The following HSD17B6 variants were observed in gnomAD, a reference collection of about 807,000 sequenced individuals.
The protein encoded by HSD17B6 is 17-beta-hydroxysteroid dehydrogenase type 6.
Under a neutral mutation model 26.4 loss-of-function variants are expected in HSD17B6, and 16 were observed. The ratio of observed to expected loss-of-function variants is 0.61; its 90% CI spans 0.41 to 0.92. The LOEUF is 0.92. Ranked by LOEUF, HSD17B6 falls within the 40% of genes least tolerant of loss-of-function variation. The probability of loss-of-function intolerance (pLI) is 0.00; values close to 1 mark genes in which losing one functional copy is unlikely to be tolerated. For missense variants in HSD17B6, 357 were observed against 386.1 expected (o/e 0.92, Z 0.63); for synonymous variants, 139 against 153.0 (o/e 0.91, Z 0.68).
intron 1 of HSD17B6, among the ~76,000 whole-genome samples, chr12:56,765,167 T>G (rs1197341998): frequency 6.6e-6 from 1 of 151,932 alleles, no homozygotes; most frequent in Admixed American, 6.6e-5. Context: ...CTGGGTGCGG[T>G]GGCTCACGCC....
chr12:56,782,826 A>G (rs967359921), intron 3 of HSD17B6, among the ~76,000 whole-genome samples: 2 of 152,056 alleles, frequency 1.3e-5, no homozygotes, highest in Non-Finnish European at 2.9e-5. Flanking sequence ...ACTTGAGATT[A>G]GGGAGTGGTG....
intron 1 of HSD17B6, among the ~76,000 whole-genome samples, chr12:56,768,570 T>TA (rs1460293131): frequency 6.6e-6 from 1 of 151,868 alleles, no homozygotes; most frequent in Non-Finnish European, 1.5e-5. Flanking sequence ...GGGTAGGAAT[T>TA]AGAGTGTCCA....
intron 1 of HSD17B6, 23 bp downstream of exon 1, chr12:56,763,437 TTGTGTGTGTG>T (rs35753038): frequency 0.021 from 2,905 of 136,286 alleles, 49 homozygotes; most frequent in South Asian, 0.056. Context: ...GTAAGGGTGG[TTGTGTGTGTG>T]TGTGTGTGTG....
At chr12:56,764,630 A>G (rs1954283205) in intron 1 of HSD17B6, among the ~76,000 whole-genome samples, 1 of 152,190 alleles carries the variant, frequency 6.6e-6, no homozygotes, top group Non-Finnish European at 1.5e-5. Flanking sequence ...ATATCTAACA[A>G]TTATGTATTG....
chr12:56,765,275 A>G (rs1162871603), intron 1 of HSD17B6, among the ~76,000 whole-genome samples: 1 of 151,992 alleles, frequency 6.6e-6, no homozygotes, highest in African/African-American at 2.4e-5. Context: ...TCTTTACTAA[A>G]AAATACAAAA....
At chr12:56,779,872 A>G (rs1256657476) in intron 2 of HSD17B6, among the ~76,000 whole-genome samples, 2 of 146,928 alleles carry the variant, frequency 1.4e-5, no homozygotes, top group Non-Finnish European at 3.0e-5. Flanking sequence ...GTTACCGAAT[A>G]TATGCCTAAG....
At chr12:56,777,642 C>T (rs543661368) in intron 2 of HSD17B6, among the ~76,000 whole-genome samples, 45 of 152,238 alleles carry the variant, frequency 3.0e-4, no homozygotes, top group African/African-American at 1.0e-3. Context: ...GGATTACAGG[C>T]GTGAGGCACT....
At chr12:56,771,166 A>T (rs1253133232) in intron 1 of HSD17B6, among the ~76,000 whole-genome samples, 2 of 152,058 alleles carry the variant, frequency 1.3e-5, no homozygotes, top group Non-Finnish European at 2.9e-5. Context: ...GGGCTCTACT[A>T]CAGTCTAAAG....
chr12:56,784,557 A>G (rs993486583), intron 3 of HSD17B6, among the ~76,000 whole-genome samples: 42 of 152,192 alleles, frequency 2.8e-4, no homozygotes, highest in African/African-American at 9.9e-4. Flanking sequence ...CATGCCTGCA[A>G]TCGCAGGCAC....
intron 1 of HSD17B6, among the ~76,000 whole-genome samples, chr12:56,770,001 A>G (rs1954435768): frequency 6.6e-6 from 1 of 152,198 alleles, no homozygotes; most frequent in Non-Finnish European, 1.5e-5. Context: ...ATTACCTTTT[A>G]GTCAATAAAC....
intron 2 of HSD17B6, among the ~76,000 whole-genome samples, chr12:56,779,917 T>A (rs370070718): frequency 1.9e-4 from 29 of 151,864 alleles, no homozygotes; most frequent in Admixed American, 2.6e-4. Context: ...ATCTTTTTTT[T>A]AAAAAAAAAT....
intron 2 of HSD17B6, among the ~76,000 whole-genome samples, chr12:56,775,381 C>T (rs1189439588): frequency 6.6e-6 from 1 of 152,082 alleles, no homozygotes; most frequent in African/African-American, 2.4e-5. Context: ...CCATGCCTGG[C>T]TAATTTTTTT....
intron 2 of HSD17B6, among the ~76,000 whole-genome samples, chr12:56,775,695 T>C (rs140192330): frequency 7.5e-4 from 114 of 152,306 alleles, no homozygotes; most frequent in African/African-American, 2.6e-3. Flanking sequence ...GTTGATATGT[T>C]ATCGTTAACT....
Position 56,784,931 on chromosome 12 carries a change from A to G in HSD17B6, c.651A>G (p.Thr217=). 5.6e-6 allele frequency: 9 copies of G among 1,614,110 alleles called. No homozygotes were observed. The highest frequency in any genetic ancestry group is 1.7e-5 in the Admixed American group (1 of 60,014). The change falls in exon 4 of 5, where the codon ACA becomes ACG. Residue 217 remains threonine, a synonymous_variant. Coordinates refer to ENST00000322165, the MANE Select transcript of HSD17B6 (RefSeq NM_003725.4). ...GYFRTGMTNM[T]QSLERMKQSW... ...TCAGAACGGGAATGACAAACATGAC[A>G]CAGTCCTTAGAGCGAATGAAGCAAA...
In HSD17B6 at chr12:56,787,601, T is replaced by C; in HGVS notation, c.*259T>C. The C allele has an allele frequency of 2.3e-6, 1 of 436,636 alleles. No individual in the cohort carries two copies. The highest frequency in any genetic ancestry group is 4.1e-6 in the Non-Finnish European group (1 of 243,672). 27.0% of individuals were successfully genotyped at this position (436,636 alleles called of 1,614,324 possible). On this transcript the variant is annotated 3_prime_UTR_variant, in exon 5 of 5. Coordinates refer to ENST00000322165, the MANE Select transcript of HSD17B6 (RefSeq NM_003725.4). ...AAGTGAATCATTTGTTCTTGCCTTA[T>C]TAAACAGAGTAGATGGAAAACAATT...
intron 1 of HSD17B6, among the ~76,000 whole-genome samples, chr12:56,772,720 AAAAAG>A (rs1954506229): frequency 6.6e-6 from 1 of 151,824 alleles, no homozygotes; most frequent in African/African-American, 2.4e-5. Context: ...AAAAGAAAAA[AAAAAG>A]AGTGTTATTT....
At chr12:56,772,663 C>CTCCA (rs984147340) in intron 1 of HSD17B6, among the ~76,000 whole-genome samples, 2 of 147,974 alleles carry the variant, frequency 1.4e-5, no homozygotes, top group African/African-American at 5.0e-5. Context: ...CGCCATTGCA[C>CTCCA]TCCAGCCTGG....
intron 2 of HSD17B6, among the ~76,000 whole-genome samples, chr12:56,780,906 G>A (rs1954702927): frequency 6.6e-6 from 1 of 151,090 alleles, no homozygotes; most frequent in Non-Finnish European, 1.5e-5. Flanking sequence ...AAAATGTGAG[G>A]TCCTGCTGCA....
At chr12:56,779,797 T>G (rs1954672897) in intron 2 of HSD17B6, among the ~76,000 whole-genome samples, 1 of 132,312 alleles carries the variant, frequency 7.6e-6, no homozygotes, top group South Asian at 2.2e-4. Context: ...TATCCTCTTT[T>G]TACCTTTTTT....
Sources: allele counts gnomAD v4.1 joint callset (sites outside exome capture counted in the v4.1 genomes callset), GRCh38; gene constraint gnomAD v4.1.1; transcripts MANE v1.5; gene names NCBI Gene and HGNC (gene_info 2026-07-23, HGNC 2026-07-21).